Variants in SH2B3 observed in about 807,000 individuals in gnomAD.
SH2B3 encodes the protein SH2B adapter protein 3.
A neutral mutation model predicts 51.9 loss-of-function variants in SH2B3; 43 were observed. That is an observed-to-expected ratio of 0.83 (90% CI 0.65 to 1.07). The LOEUF (loss-of-function observed/expected upper bound fraction) is 1.07. SH2B3 is among the 50% of genes least tolerant of loss of function. The probability of loss-of-function intolerance (pLI) is 0.00; values close to 1 mark genes in which losing one functional copy is unlikely to be tolerated. For synonymous variants in SH2B3, 396 were observed against 376.0 expected, an observed-to-expected ratio of 1.05 and a Z score of -0.62; for missense variants, 952 against 834.3, an observed-to-expected ratio of 1.14 and a Z score of -1.74.
At chr12:111,444,953 T>A in intron 2 of SH2B3, 1 of 867,560 alleles carries the variant, frequency 1.2e-6, no homozygotes, top group Non-Finnish European at 1.4e-6. Flanking sequence ...CTGTGGGGAG[T>A]TGGGGAAGAA....
chr12:111,419,888 G>A (rs868863432), intron 2 of SH2B3, among the ~76,000 whole-genome samples: 3 of 152,146 alleles, frequency 2.0e-5, no homozygotes, highest in Non-Finnish European at 4.4e-5. Context: ...TAGTCGTTAC[G>A]TCTCCTTAGG....
intron 2 of SH2B3, among the ~76,000 whole-genome samples, chr12:111,426,616 C>T (rs546199616): frequency 6.6e-6 from 1 of 152,220 alleles, no homozygotes; most frequent in Admixed American, 6.5e-5. Context: ...CTGAGGGCCC[C>T]TTCTGAGCCC....
intron 1 of SH2B3, among the ~76,000 whole-genome samples, chr12:111,416,747 G>C (rs1277471266): frequency 6.6e-6 from 1 of 152,176 alleles, no homozygotes; most frequent in Non-Finnish European, 1.5e-5. Context: ...ACCTGCCTCG[G>C]CCTCCCAGAG....
intron 5 of SH2B3, 35 bp from the exon 6 acceptor site, chr12:111,447,295 C>T: frequency 6.3e-7 from 1 of 1,592,722 alleles, no homozygotes; most frequent in Non-Finnish European, 8.6e-7. Context: ...ATAAGGTAGC[C>T]CCCTGCGACC....
Position 111,409,620 on chromosome 12 carries a change from T to C in SH2B3, c.-28+3343T>C, listed in dbSNP as rs929200996. Among the ~76,000 whole-genome samples, 49 of 151,960 alleles carry C rather than the reference T, an allele frequency of 3.2e-4. No individual in the cohort carries two copies. Among genetic ancestry groups the C allele is most frequent in the Non-Finnish European group, 2.7e-4 (18 of 67,906 alleles). On this transcript the variant is annotated intron_variant, in intron 1 of 7. Transcript: ENST00000341259. This position sits in a 1 kb window ranked among gnomAD's most constrained non-coding sequence, Gnocchi z 4.0. ...CCCAGGGGAAGTGACTCAGCCGGGGTCACTTGCTGAGTCAGGCCTTATTGG... is the reference window on the plus strand; with the variant it reads ...CCCAGGGGAAGTGACTCAGCCGGGGCCACTTGCTGAGTCAGGCCTTATTGG...
chr12:111,419,201 A>T (rs998458582), intron 2 of SH2B3, among the ~76,000 whole-genome samples: 1 of 151,904 alleles, frequency 6.6e-6, no homozygotes, highest in Non-Finnish European at 1.5e-5. Context: ...TGTTCGGGAG[A>T]CTGAGAAGGG....
chr12:111,436,266 C>G (rs1034102486), intron 2 of SH2B3, among the ~76,000 whole-genome samples: 1 of 152,188 alleles, frequency 6.6e-6, no homozygotes, highest in African/African-American at 2.4e-5. Flanking sequence ...TCCTTCCATC[C>G]TGCTCCTTGC....
At chr12:111,425,571 A>C (rs1225334902) in intron 2 of SH2B3, among the ~76,000 whole-genome samples, 2 of 152,106 alleles carry the variant, frequency 1.3e-5, no homozygotes, top group Admixed American at 6.5e-5. Flanking sequence ...GAGACTACAA[A>C]GGTAGTGGAG....
chr12:111,428,519 T>C (rs1872188830), intron 2 of SH2B3, among the ~76,000 whole-genome samples: 1 of 152,158 alleles, frequency 6.6e-6, no homozygotes. Context: ...CGGTAAGCAC[T>C]GATAGGGCAG....
rs781093110 is a variant in SH2B3, at chr12:111,406,043, C to G, written c.-262C>G. The G allele has an allele frequency of 1.3e-5, 2 of 151,802 alleles. No homozygotes were observed. Among genetic ancestry groups the G allele is most frequent in the Admixed American group, 6.6e-5 (1 of 15,230 alleles). The allele number at this position is 151,802 out of a possible 1,614,324, so 9.4% of individuals were successfully genotyped here. On this transcript the variant is annotated 5_prime_UTR_variant, in exon 1 of 8. Transcript: ENST00000341259. The surrounding 1 kb of genome is among the most constrained non-coding windows in gnomAD (Gnocchi z 5.7). Reference sequence around the variant, plus strand: ...CAAAGTTTCCCCGGCGGCGGCGGCCCGGGGGCGCATCCTCCCGCAACTGTC... The same window carrying G: ...CAAAGTTTCCCCGGCGGCGGCGGCCGGGGGGCGCATCCTCCCGCAACTGTC...
intron 2 of SH2B3, among the ~76,000 whole-genome samples, chr12:111,439,760 G>A (rs1025347331): frequency 1.3e-5 from 2 of 152,186 alleles, no homozygotes; most frequent in African/African-American, 4.8e-5. Flanking sequence ...GCTAATTCTG[G>A]ACAGACTTGG....
Position 111,407,554 on chromosome 12 carries a change from G to A in SH2B3, c.-28+1277G>A, listed in dbSNP as rs1870346391. Among the ~76,000 whole-genome samples the A allele has an allele frequency of 6.6e-6, 1 of 152,250 alleles. No individual in the cohort carries two copies. Among genetic ancestry groups the A allele is most frequent in the Admixed American group, 6.5e-5 (1 of 15,282 alleles). On this transcript the variant is annotated intron_variant, in intron 1 of 7. Transcript: ENST00000341259. The surrounding 1 kb of genome is among the most constrained non-coding windows in gnomAD (Gnocchi z 4.3). ...CTCCTCGGGACCTGCCCTCGTGGAG[G>A]GAGAGCCGTCAGAGGCCACCTGGGC...
At chr12:111,434,717 T>G in intron 2 of SH2B3, 6 of 1,365,472 alleles carry the variant, frequency 4.4e-6, no homozygotes, top group Non-Finnish European at 5.8e-6. Context: ...CTGTCTTGGT[T>G]TCCTTTTTCA....
intron 2 of SH2B3, among the ~76,000 whole-genome samples, chr12:111,437,946 A>AC (rs1565983033): frequency 1.3e-5 from 2 of 152,078 alleles, no homozygotes; most frequent in African/African-American, 2.4e-5. Context: ...TTTGGTGCCC[A>AC]CCCCAACCCC....
At chr12:111,413,653 C>T (rs555604898) in intron 1 of SH2B3, among the ~76,000 whole-genome samples, 8 of 152,332 alleles carry the variant, frequency 5.3e-5, no homozygotes, top group Admixed American at 2.0e-4. Context: ...GAGGTTGGTT[C>T]ATGCTGGTTG....
At position 111,449,072 on chromosome 12, in the gene SH2B3, C is replaced by G. The variant is rs887600561; in HGVS notation, c.*770C>G. On this transcript the variant is annotated 3_prime_UTR_variant, in exon 8 of 8. Transcript: ENST00000341259. ...ACAGTCACCTGCCACTGAGTGGCCA[C>G]TGTCCTTCCTAAATGTCAAGAAGTG... 3 of 152,620 alleles carry G rather than the reference C, an allele frequency of 2.0e-5. No homozygotes were observed. The highest frequency in any genetic ancestry group is 7.2e-5 in the African/African-American group (3 of 41,448). The allele number at this position is 152,620 out of a possible 1,614,324, so 9.5% of individuals were successfully genotyped here.
At chr12:111,416,995 A>C (rs1316335361) in intron 1 of SH2B3, among the ~76,000 whole-genome samples, 1 of 152,226 alleles carries the variant, frequency 6.6e-6, no homozygotes, top group Non-Finnish European at 1.5e-5. Flanking sequence ...GTTTGTGTAC[A>C]CATAAACATT....
At chr12:111,427,074 T>A (rs1872061988) in intron 2 of SH2B3, among the ~76,000 whole-genome samples, 1 of 152,124 alleles carries the variant, frequency 6.6e-6, no homozygotes, top group Non-Finnish European at 1.5e-5. Context: ...GAATCCAGAC[T>A]TCTGGTTTCT....
chr12:111,447,567 G>C, intron 6 of SH2B3, 23 bp downstream of exon 6: 1 of 1,534,246 alleles, frequency 6.5e-7, no homozygotes, highest in South Asian at 1.2e-5. Context: ...GTGGGGTGGG[G>C]TGGGGCAGGC....
Sources: gnomAD v4.1 joint callset for allele counts (sites outside exome capture counted in the v4.1 genomes callset) on GRCh38, gnomAD v4.1.1 for gene constraint, Gnocchi (gnomAD v3.1) non-coding constraint, MANE v1.5 for transcripts, NCBI Gene and HGNC (gene_info 2026-07-23, HGNC 2026-07-21) for gene names.